Variants in SLC39A11 observed in about 807,000 individuals in gnomAD.
SLC39A11 encodes the protein zinc transporter ZIP11.
A neutral mutation model predicts 36.1 loss-of-function variants in SLC39A11; 33 were observed. That is an observed-to-expected ratio of 0.91 (90% CI 0.69 to 1.22). The LOEUF (loss-of-function observed/expected upper bound fraction) is 1.22, where lower values mean the gene tolerates loss of function less well. SLC39A11 is among the 50% of genes most tolerant of loss of function. The probability of loss-of-function intolerance (pLI) is 0.00; values close to 1 mark genes in which losing one functional copy is unlikely to be tolerated. For missense variants in SLC39A11, 432 were observed against 430.3 expected, an observed-to-expected ratio of 1.00 and a Z score of -0.03; for synonymous variants, 166 against 170.3, an observed-to-expected ratio of 0.97 and a Z score of 0.20.
intron 3 of SLC39A11, among the ~76,000 whole-genome samples, chr17:73,057,312 A>G (rs924337704): frequency 6.6e-6 from 1 of 152,218 alleles, no homozygotes; most frequent in East Asian, 1.9e-4. Context: ...TGATTAAATG[A>G]ATCAAACATT....
At chr17:72,707,006 C>G (rs192859660) in intron 7 of SLC39A11, among the ~76,000 whole-genome samples, 1 of 152,270 alleles carries the variant, frequency 6.6e-6, no homozygotes, top group Non-Finnish European at 1.5e-5. Flanking sequence ...CGTTGAGCAC[C>G]TGAAATATGG....
At chr17:72,991,503 C>G (rs1186540399) in intron 4 of SLC39A11, among the ~76,000 whole-genome samples, 11 of 151,922 alleles carry the variant, frequency 7.2e-5, no homozygotes, top group African/African-American at 2.7e-4. Context: ...GATTACAGGC[C>G]CACGCCACCA....
chr17:72,912,046 G>A (rs2083036661), intron 5 of SLC39A11, among the ~76,000 whole-genome samples: 1 of 152,154 alleles, frequency 6.6e-6, no homozygotes, highest in Non-Finnish European at 1.5e-5. Flanking sequence ...GCACACTCCT[G>A]GTGGGCATTG....
At chr17:72,870,160 A>C (rs555814619) in intron 5 of SLC39A11, among the ~76,000 whole-genome samples, 3 of 152,188 alleles carry the variant, frequency 2.0e-5, no homozygotes, top group Admixed American at 2.0e-4. Flanking sequence ...AGGTGAGTCT[A>C]ATGTGCGAGG....
intron 5 of SLC39A11, among the ~76,000 whole-genome samples, chr17:72,854,012 G>A (rs558180642): frequency 2.6e-5 from 4 of 152,030 alleles, no homozygotes; most frequent in East Asian, 1.9e-4. Context: ...GTAGAGGGGG[G>A]ACTATTTCAT....
chr17:73,021,983 G>A (rs1308833126), intron 4 of SLC39A11, among the ~76,000 whole-genome samples: 1 of 152,246 alleles, frequency 6.6e-6, no homozygotes, highest in Non-Finnish European at 1.5e-5. Context: ...GACCCACGGG[G>A]TCCTCCGGGA....
At chr17:72,796,799 G>A (rs945909338) in intron 6 of SLC39A11, among the ~76,000 whole-genome samples, 6 of 152,118 alleles carry the variant, frequency 3.9e-5, no homozygotes, top group East Asian at 3.9e-4. Flanking sequence ...CCACCACCAC[G>A]CAGGGGTTTC....
chr17:73,028,338 G>A (rs575739936), intron 4 of SLC39A11, among the ~76,000 whole-genome samples: 3 of 152,200 alleles, frequency 2.0e-5, no homozygotes, highest in South Asian at 4.2e-4. Context: ...CATTAACTCC[G>A]ACCCCACAGA....
intron 7 of SLC39A11, among the ~76,000 whole-genome samples, chr17:72,649,765 G>C (rs1362952639): frequency 1.3e-5 from 2 of 148,758 alleles, no homozygotes; most frequent in Non-Finnish European, 3.0e-5. Context: ...GCTAATTTTT[G>C]TATTTTTAGT....
intron 6 of SLC39A11, among the ~76,000 whole-genome samples, chr17:72,843,164 G>T (rs921091348): frequency 6.6e-6 from 1 of 152,124 alleles, no homozygotes; most frequent in Non-Finnish European, 1.5e-5. Context: ...TGGCCAGGAT[G>T]GTTTCTATCT....
chr17:72,885,173 G>A (rs1379189457), intron 5 of SLC39A11, among the ~76,000 whole-genome samples: 1 of 152,106 alleles, frequency 6.6e-6, no homozygotes, highest in Non-Finnish European at 1.5e-5. Context: ...CAGCTTATAG[G>A]TTTTCCCTGC....
intron 3 of SLC39A11, among the ~76,000 whole-genome samples, chr17:73,045,658 T>G (rs1309498663): frequency 6.6e-6 from 1 of 152,146 alleles, no homozygotes; most frequent in East Asian, 1.9e-4. Context: ...CTCTGAATAA[T>G]AGAAATGGCA....
chr17:72,773,981 T>C (rs1422814443), intron 6 of SLC39A11, among the ~76,000 whole-genome samples: 1 of 152,154 alleles, frequency 6.6e-6, no homozygotes, highest in East Asian at 1.9e-4. Flanking sequence ...GAGCAAGACA[T>C]GGCATTAACG....
intron 2 of SLC39A11, among the ~76,000 whole-genome samples, chr17:73,085,698 T>C (rs1443378190): frequency 6.7e-6 from 1 of 148,854 alleles, no homozygotes; most frequent in Non-Finnish European, 1.5e-5. Flanking sequence ...GGTACCACCA[T>C]TTTGGCAAAC....
At chr17:73,080,015 T>G (rs2060460989) in intron 3 of SLC39A11, among the ~76,000 whole-genome samples, 2 of 152,196 alleles carry the variant, frequency 1.3e-5, no homozygotes, top group South Asian at 4.1e-4. Context: ...ACACCTCCCA[T>G]GCACACAGAT....
At chr17:73,044,558 C>G (rs1163251535) in intron 3 of SLC39A11, among the ~76,000 whole-genome samples, 2 of 152,128 alleles carry the variant, frequency 1.3e-5, no homozygotes, top group African/African-American at 4.8e-5. Flanking sequence ...GGACTAGGAG[C>G]TCTTTCAGGG....
intron 7 of SLC39A11, among the ~76,000 whole-genome samples, chr17:72,709,346 C>T (rs749964131): frequency 1.1e-4 from 16 of 152,192 alleles, no homozygotes; most frequent in Non-Finnish European, 2.9e-5. Context: ...GATCCTCCCA[C>T]CTCAGCCTCC....
At chr17:72,811,530 G>C (rs77395408) in intron 6 of SLC39A11, among the ~76,000 whole-genome samples, 3,623 of 152,286 alleles carry the variant, frequency 0.024, 144 homozygotes, top group African/African-American at 0.083. Flanking sequence ...ATCTTTGCCT[G>C]TCAGAGATGC....
At chr17:72,724,522 C>T (rs1282430417) in intron 7 of SLC39A11, among the ~76,000 whole-genome samples, 1 of 152,006 alleles carries the variant, frequency 6.6e-6, no homozygotes, top group Non-Finnish European at 1.5e-5. Context: ...CCTGGATGTT[C>T]CCTCCACCCT....
Sources: gnomAD v4.1 joint callset for allele counts (sites outside exome capture counted in the v4.1 genomes callset) on GRCh38, gnomAD v4.1.1 for gene constraint, MANE v1.5 for transcripts, NCBI Gene and HGNC (gene_info 2026-07-23, HGNC 2026-07-21) for gene names.